NDNF: variants seen among roughly 807,000 people sequenced by gnomAD.
NDNF encodes the protein protein NDNF.
In NDNF, 16 loss-of-function variants were observed where a neutral mutation model predicts 42.0. The observed-to-expected ratio is 0.38, with a 90% confidence interval of 0.26 to 0.58. The LOEUF (loss-of-function observed/expected upper bound fraction) is 0.58. NDNF is among the 20% of genes least tolerant of loss of function. The pLI is 0.67. For synonymous variants in NDNF, 248 were observed against 251.7 expected (o/e 0.99, Z 0.14); for missense variants, 616 against 666.2 (o/e 0.92, Z 0.83).
chr4:121,036,468 A>G lies in NDNF; in HGVS notation c.1503T>C (p.Cys501=). The change falls in exon 4 of 4, where the codon TGT becomes TGC. Residue 501 remains cysteine (C), a synonymous_variant. Transcript: ENST00000379692. ...EDQKKREQNQ[C]LGPDIRKKSE... ...ACTTCTTCCTTATATCTGGTCCTAG[A>G]CATTGGTTTTGCTCTCTTTTCTTCT... 6.2e-7 allele frequency: 1 copy of G among 1,614,118 alleles called. No homozygotes were observed. The highest frequency in any genetic ancestry group is 8.5e-7 in the Non-Finnish European group (1 of 1,180,008).
chr4:121,068,719 G>C (rs944968464), intron 1 of NDNF, among the ~76,000 whole-genome samples: 1 of 148,768 alleles, frequency 6.7e-6, no homozygotes, highest in Non-Finnish European at 1.5e-5. Context: ...AAGTGAGACA[G>C]AGAGAGAGAG....
rs147500183 is a variant in NDNF at position 121,065,717 on chromosome 4, T to TACAC, written c.-2+6272_-2+6275dup. Among the ~76,000 whole-genome samples the TACAC allele has an allele frequency of 7.3e-3, 1,082 of 147,606 alleles. 1 individual carries two copies. The highest frequency in any genetic ancestry group is 0.014 in the East Asian group (69 of 4,862). On this transcript the variant is annotated intron_variant, in intron 1 of 3. Transcript: ENST00000379692. ...TCACTTTTATGTGTAAAGAATGAAA[T>TACAC]ACACACACACACACACACACACATA...
intron 1 of NDNF, among the ~76,000 whole-genome samples, chr4:121,065,776 A>T (rs1727489951): frequency 6.6e-6 from 1 of 151,962 alleles, no homozygotes; most frequent in Non-Finnish European, 1.5e-5. Flanking sequence ...ATATATGTAT[A>T]AAATAACCCC....
intron 1 of NDNF, among the ~76,000 whole-genome samples, chr4:121,059,212 G>T (rs1056228760): frequency 3.3e-5 from 5 of 152,230 alleles, no homozygotes; most frequent in Non-Finnish European, 4.4e-5. Flanking sequence ...TTTCCTAAGG[G>T]TAGAAAAGGA....
At chr4:121,067,091 G>A (rs1727511827) in intron 1 of NDNF, among the ~76,000 whole-genome samples, 1 of 152,186 alleles carries the variant, frequency 6.6e-6, no homozygotes, top group Admixed American at 6.5e-5. Flanking sequence ...TGGAGGCAGT[G>A]TCTAAGAGTT....
chr4:121,036,185 TG>T lies in NDNF; in HGVS notation c.*78del. 8.8e-7 allele frequency: 1 copy of T among 1,141,108 alleles called. No individual in the cohort carries two copies. Among genetic ancestry groups the T allele is most frequent in the Non-Finnish European group, 1.3e-6 (1 of 794,624 alleles). The allele number at this position is 1,141,108 out of a possible 1,614,324, so 70.7% of individuals were successfully genotyped here. On this transcript the variant is annotated 3_prime_UTR_variant, in exon 4 of 4. Coordinates refer to ENST00000379692, the MANE Select transcript of NDNF (RefSeq NM_024574.4). The stretch of plus-strand genomic sequence containing the variant: ...TACAGGTCACAACTTCTCTCAACTG[TG>T]GGAGTAGTCAGTTTATACTTAAAGT...
intron 1 of NDNF, among the ~76,000 whole-genome samples, chr4:121,051,196 T>C (rs1448201989): frequency 6.6e-6 from 1 of 152,160 alleles, no homozygotes; most frequent in Non-Finnish European, 1.5e-5. Context: ...AGGGATTCTT[T>C]CTAATGTTTT....
chr4:121,045,593 T>G lies in NDNF; in HGVS notation c.188+57A>C, dbSNP rs1579312591. ...AAACTAAGTCTAAAGGTTACTCTCT[T>G]TTTTGGAGGCATCCTTTGTGAGCTT... On this transcript the variant is annotated intron_variant, in intron 2 of 3. Transcript: ENST00000379692. 2.1e-6 allele frequency: 3 copies of G among 1,459,816 alleles called. No homozygotes were observed. In the East Asian group the frequency reaches 6.8e-5, roughly 33 times the overall value. The allele number at this position is 1,459,816 out of a possible 1,614,324, so 90.4% of individuals were successfully genotyped here.
At chr4:121,066,943 G>C (rs1033776871) in intron 1 of NDNF, among the ~76,000 whole-genome samples, 2 of 152,212 alleles carry the variant, frequency 1.3e-5, no homozygotes, top group Non-Finnish European at 2.9e-5. Flanking sequence ...ACAGAAACTT[G>C]TACAGTCTCC....
At chr4:121,040,077 AGACCGT>A (rs1726970869) in intron 2 of NDNF, 23 bp from the exon 3 acceptor site, 1 of 1,605,750 alleles carries the variant, frequency 6.2e-7, no homozygotes, top group Non-Finnish European at 8.5e-7. Flanking sequence ...GGACCACTTT[AGACCGT>A]GGTAATTCTT....
At chr4:121,057,235 G>T (rs1255137763) in intron 1 of NDNF, among the ~76,000 whole-genome samples, 1 of 152,198 alleles carries the variant, frequency 6.6e-6, no homozygotes, top group Non-Finnish European at 1.5e-5. Flanking sequence ...TCTAGGCTAA[G>T]TAGTCAAGAA....
At chr4:121,049,677 C>G (rs1386548496) in intron 1 of NDNF, among the ~76,000 whole-genome samples, 2 of 152,108 alleles carry the variant, frequency 1.3e-5, no homozygotes, top group Non-Finnish European at 2.9e-5. Context: ...ACTGGTTTAC[C>G]TACTTTATTG....
chr4:121,060,638 A>G (rs560646394), intron 1 of NDNF, among the ~76,000 whole-genome samples: 1 of 152,356 alleles, frequency 6.6e-6, no homozygotes, highest in East Asian at 1.9e-4. Flanking sequence ...AGAGTTTGCA[A>G]AAACACTACC....
In NDNF at chr4:121,037,516, G is replaced by A; in HGVS notation, c.455C>T (p.Ser152Leu). The A allele has an allele frequency of 1.2e-6, 2 of 1,614,078 alleles. No homozygotes were observed. Among genetic ancestry groups the A allele is most frequent in the East Asian group, 2.2e-5 (1 of 44,868 alleles). Residue 152 changes from serine to leucine, a missense_variant, in exon 4 of 4, where the codon TCA becomes TTA. By Grantham distance (145) the Ser-to-Leu change is moderately radical. Transcript: ENST00000379692. The part of the protein sequence containing the change: ...PSGLYQLDLL[S>L]TEKDTHFKVY... ...TTTGAAATGTGTGTCTTTCTCTGTT[G>A]AAAGAAGATCCAACTGATATAAACC...
chr4:121,050,894 CA>C (rs1470403854), intron 1 of NDNF, among the ~76,000 whole-genome samples: 1 of 152,152 alleles, frequency 6.6e-6, no homozygotes, highest in African/African-American at 2.4e-5. Context: ...CAATATCCTA[CA>C]GGGGAAATAA....
At chr4:121,041,160 T>C (rs771782941) in intron 2 of NDNF, among the ~76,000 whole-genome samples, 1 of 152,204 alleles carries the variant, frequency 6.6e-6, no homozygotes, top group Admixed American at 6.5e-5. Context: ...TTAAAAAGAA[T>C]AAAAATATTG....
chr4:121,042,172 C>T (rs1461161271), intron 2 of NDNF, among the ~76,000 whole-genome samples: 2 of 152,088 alleles, frequency 1.3e-5, no homozygotes, highest in Admixed American at 6.6e-5. Context: ...TTTATCACGC[C>T]TTTGTATTCC....
intron 1 of NDNF, among the ~76,000 whole-genome samples, chr4:121,049,383 C>G (rs909976839): frequency 1.3e-5 from 2 of 152,164 alleles, no homozygotes; most frequent in Admixed American, 1.3e-4. Flanking sequence ...TTCAGGGATC[C>G]TCTCTTGTAA....
intron 1 of NDNF, among the ~76,000 whole-genome samples, chr4:121,056,399 A>G (rs1413781117): frequency 1.3e-5 from 2 of 152,222 alleles, no homozygotes; most frequent in African/African-American, 4.8e-5. Context: ...AATACTCTAC[A>G]GGGCAGGTCA....
Sources: allele counts gnomAD v4.1 joint callset (sites outside exome capture counted in the v4.1 genomes callset), GRCh38; gene constraint gnomAD v4.1.1; transcripts MANE v1.5; gene names NCBI Gene and HGNC (gene_info 2026-07-23, HGNC 2026-07-21).